Variants in SLC7A2 observed in about 807,000 individuals in gnomAD.
SLC7A2 encodes solute carrier family 7 member 2.
A neutral mutation model predicts 58.9 loss-of-function variants in SLC7A2; 48 were observed. The ratio of observed to expected loss-of-function variants is 0.82; its 90% CI spans 0.65 to 1.04. SLC7A2 has a LOEUF of 1.04. Ranked by LOEUF, SLC7A2 falls within the 50% of genes least tolerant of loss-of-function variation. SLC7A2 has a pLI of 0.00. For synonymous variants in SLC7A2, 363 were observed against 314.5 expected, an observed-to-expected ratio of 1.15 and a Z score of -1.63; for missense variants, 1,029 against 818.8, an observed-to-expected ratio of 1.26 and a Z score of -3.13.
chr8:17,531,725 G>T (rs1047341719), intron 2 of SLC7A2, among the ~76,000 whole-genome samples: 2 of 151,696 alleles, frequency 1.3e-5, no homozygotes, highest in Admixed American at 6.6e-5. Flanking sequence ...TTATTTTAAG[G>T]GTTTTTTTTT....
chr8:17,538,837 A>G, intron 2 of SLC7A2: 1 of 1,613,712 alleles, frequency 6.2e-7, no homozygotes, highest in Non-Finnish European at 8.5e-7. Flanking sequence ...GAAGATAGAA[A>G]CAAGTGGTTA....
intron 1 of SLC7A2, among the ~76,000 whole-genome samples, chr8:17,498,472 T>C (rs1467414620): frequency 6.6e-6 from 1 of 152,242 alleles, no homozygotes; most frequent in African/African-American, 2.4e-5. Flanking sequence ...TGCTTTGTAA[T>C]TAGTAAATCC....
intron 11 of SLC7A2, 122 bp from the exon 12 acceptor site, chr8:17,563,481 T>C: frequency 1.5e-6 from 1 of 661,418 alleles, no homozygotes; most frequent in Non-Finnish European, 2.7e-6. Context: ...GAAGCGTGGT[T>C]TTAACTGTGA....
upstream of SLC7A2, among the ~76,000 whole-genome samples, chr8:17,496,781 T>C (rs915679116): frequency 3.3e-5 from 5 of 152,288 alleles, no homozygotes; most frequent in Admixed American, 6.5e-5. Context: ...GATTCGGAAA[T>C]GCCCTTGAGG....
At chr8:17,533,440 C>T (rs1801539796) in intron 2 of SLC7A2, among the ~76,000 whole-genome samples, 1 of 152,196 alleles carries the variant, frequency 6.6e-6, no homozygotes, top group Admixed American at 6.5e-5. Context: ...TTAAATTCCA[C>T]TTCTGCCACA....
upstream of SLC7A2, among the ~76,000 whole-genome samples, chr8:17,496,897 C>G (rs1042777077): frequency 6.6e-6 from 1 of 151,858 alleles, no homozygotes; most frequent in Non-Finnish European, 1.5e-5. Flanking sequence ...CACGTGTGCT[C>G]GGCTCCAGGC....
intron 2 of SLC7A2, among the ~76,000 whole-genome samples, chr8:17,520,952 A>T (rs1351315939): frequency 6.6e-6 from 1 of 152,164 alleles, no homozygotes; most frequent in African/African-American, 2.4e-5. Context: ...GCTAAGATAC[A>T]TGTTACGGAA....
intron 12 of SLC7A2, 74 bp downstream of exon 12, chr8:17,563,785 C>G: frequency 1.2e-6 from 1 of 866,082 alleles, no homozygotes; most frequent in Non-Finnish European, 1.9e-6. Context: ...TCTCCCCCAT[C>G]CTGGGAATAA....
chr8:17,510,912 A>G (rs1240223096), intron 2 of SLC7A2: 1 of 152,246 alleles, frequency 6.6e-6, no homozygotes, highest in African/African-American at 2.4e-5. Flanking sequence ...ATGGAATACT[A>G]TGCAGCCATA....
chr8:17,509,970 A>G (rs1233676199), intron 2 of SLC7A2, among the ~76,000 whole-genome samples: 1 of 152,150 alleles, frequency 6.6e-6, no homozygotes, highest in Non-Finnish European at 1.5e-5. Flanking sequence ...CTGTAACCCC[A>G]GCACTTTGGG....
chr8:17,503,934 G>T (rs1210995976), intron 2 of SLC7A2, among the ~76,000 whole-genome samples: 1 of 152,108 alleles, frequency 6.6e-6, no homozygotes, highest in Non-Finnish European at 1.5e-5. Context: ...GGTGAGTTTT[G>T]ACCCTCCATC....
At chr8:17,523,118 G>C (rs1801083086) in intron 2 of SLC7A2, among the ~76,000 whole-genome samples, 1 of 152,000 alleles carries the variant, frequency 6.6e-6, no homozygotes. Context: ...TAACAAACCT[G>C]CATGTTCTGC....
chr8:17,494,843 T>A (rs77780283), upstream of SLC7A2, among the ~76,000 whole-genome samples: 1 of 152,232 alleles, frequency 6.6e-6, no homozygotes, highest in East Asian at 1.9e-4. Context: ...AGAAAGTTGT[T>A]TGAAAGAATT....
chr8:17,549,357 C>T (rs569459814), intron 5 of SLC7A2, among the ~76,000 whole-genome samples: 1 of 152,326 alleles, frequency 6.6e-6, no homozygotes, highest in Non-Finnish European at 1.5e-5. Context: ...GACCCCTCTT[C>T]CCAGATTCCC....
intron 2 of SLC7A2, among the ~76,000 whole-genome samples, chr8:17,511,536 T>C (rs528975322): frequency 6.6e-6 from 1 of 152,328 alleles, no homozygotes; most frequent in East Asian, 1.9e-4. Context: ...CATCCTGTTA[T>C]TACATTTGTT....
intron 2 of SLC7A2, among the ~76,000 whole-genome samples, chr8:17,541,792 C>T (rs934921880): frequency 2.0e-5 from 3 of 152,132 alleles, no homozygotes; most frequent in African/African-American, 7.2e-5. Context: ...GAGAAGAACC[C>T]ACCATCTAAA....
Position 17,538,932 on chromosome 8 carries a change from A to C in SLC7A2, c.-22-4386A>C, listed in dbSNP as rs199757672. The C allele has an allele frequency of 0.011, 18,404 of 1,611,186 alleles. 556 individuals are homozygous for C. The highest frequency in any genetic ancestry group is 0.09 in the East Asian group (4,016 of 44,824). On this transcript the variant is annotated intron_variant, in intron 2 of 12. Transcript: ENST00000494857. ...ACAGCAAGTTTCTCCTGTAAGATTT[A>C]TTGTCAGGGCCTGGGATACTGATAT... is the stretch of plus-strand genomic sequence containing the variant.
In SLC7A2 at chr8:17,562,072, T is replaced by C; in HGVS notation, c.1633T>C (p.Trp545Arg). 2 of 1,613,840 alleles carry C rather than the reference T, an allele frequency of 1.2e-6. No homozygotes were observed. The highest frequency in any genetic ancestry group is 1.7e-6 in the Non-Finnish European group (2 of 1,179,944). Residue 545 changes from tryptophan to arginine, a missense_variant, in exon 11 of 13, where the codon TGG becomes CGG. Trp to Arg is a moderately radical substitution (Grantham distance 101). Transcript: ENST00000494857. ...VLFVAIVLTI[W>R]RQPQNQQKVA... ...CTTCGTTGCCATCGTTCTCACCATCTGGAGGCAGCCCCAGAATCAGCAAAA... is the reference window on the plus strand; with the variant it reads ...CTTCGTTGCCATCGTTCTCACCATCCGGAGGCAGCCCCAGAATCAGCAAAA...
At chr8:17,537,817 G>T (rs1801739604) in intron 2 of SLC7A2, among the ~76,000 whole-genome samples, 1 of 152,198 alleles carries the variant, frequency 6.6e-6, no homozygotes. Flanking sequence ...GGTTGGGAAC[G>T]CAGTGTGCTG....
Sources: gnomAD v4.1 joint callset for allele counts (sites outside exome capture counted in the v4.1 genomes callset) on GRCh38, gnomAD v4.1.1 for gene constraint, MANE v1.5 for transcripts, NCBI Gene and HGNC (gene_info 2026-07-23, HGNC 2026-07-21) for gene names.